The following RBM4 variants were observed in gnomAD, a reference collection of about 807,000 sequenced individuals.
RBM4 encodes the protein RNA-binding protein 4.
A neutral mutation model predicts 29.5 loss-of-function variants in RBM4; 7 were observed. The observed-to-expected ratio is 0.24, with a 90% CI of 0.14 to 0.45. The LOEUF (loss-of-function observed/expected upper bound fraction) is 0.45. Ranked by LOEUF, RBM4 falls within the 20% of genes least tolerant of loss-of-function variation. RBM4 has a pLI of 1.00. For synonymous variants in RBM4, 220 were observed against 205.4 expected, an observed-to-expected ratio of 1.07 and a Z score of -0.61; for missense variants, 387 against 502.3, an observed-to-expected ratio of 0.77 and a Z score of 2.19.
rs1938693779 is a variant in RBM4 at position 66,646,375 on chromosome 11, C to T, written c.*357C>T. On this transcript the variant is annotated 3_prime_UTR_variant, in exon 4 of 4. Transcript: ENST00000310092. ...TTGGGAATGACCTTGGTGAGAGTCT[C>T]ACTGCTCCAGGGTCTCTTTTTGGTC... The T allele has an allele frequency of 1.7e-6, 2 of 1,187,296 alleles. No homozygotes were observed. Among genetic ancestry groups the T allele is most frequent in the African/African-American group, 1.6e-5 (1 of 64,400 alleles). 73.5% of individuals were successfully genotyped at this position (1,187,296 alleles called of 1,614,324 possible). A position where few individuals can be genotyped will look rare whatever the true frequency, so the allele number is the denominator to read the frequency against.
chr11:66,646,421 T>C lies in RBM4; in HGVS notation c.*403T>C. ...TGGTCCAAAGGCTAGACCTATAGAG[T>C]TGGATCACTTTTTTTCTTTCCGGTG... On this transcript the variant is annotated 3_prime_UTR_variant, in exon 4 of 4. Transcript: ENST00000310092. 9.5e-7 allele frequency: 1 copy of C among 1,049,528 alleles called. No individual in the cohort carries two copies. Among genetic ancestry groups the C allele is most frequent in the Non-Finnish European group, 1.1e-6 (1 of 871,428 alleles). 65.0% of individuals were successfully genotyped at this position (1,049,528 alleles called of 1,614,324 possible). A position where few individuals can be genotyped will look rare whatever the true frequency, so the allele number is the denominator to read the frequency against.
At chr11:66,642,939 G>C (rs1042982231) in intron 2 of RBM4, among the ~76,000 whole-genome samples, 1 of 152,216 alleles carries the variant, frequency 6.6e-6, no homozygotes, top group Non-Finnish European at 1.5e-5. Context: ...GCCACATTCA[G>C]CTGTGGATTG....
chr11:66,659,263 C>CTTTTTTTTTTT lies in RBM4; in HGVS notation c.413-6578_413-6568dup, dbSNP rs767959263. On this transcript the variant is annotated intron_variant, in intron 2 of 2. Coordinates refer to the RBM4 transcript ENST00000396053. ...ACCTAGCTGACATTTCTTCTTGGTT[C>CTTTTTTTTTTT]TTTTTTTTTTTTTTTTTTTTTTTTT... 4.8e-4 allele frequency among the ~76,000 whole-genome samples: 32 copies of CTTTTTTTTTTT among 67,310 alleles called. 1 individual carries two copies. Among genetic ancestry groups the CTTTTTTTTTTT allele is most frequent in the South Asian group, 6.5e-4 (1 of 1,540 alleles). 44.2% of individuals were successfully genotyped at this position (67,310 alleles called of 152,430 possible). A position where few individuals can be genotyped will look rare whatever the true frequency, so the allele number is the denominator to read the frequency against.
intron 2 of RBM4, chr11:66,640,539 G>T: frequency 2.9e-6 from 1 of 340,412 alleles, no homozygotes; most frequent in Non-Finnish European, 5.3e-6. Context: ...AACATGTCAA[G>T]CGACACTTAT....
At chr11:66,658,337 C>CTTTTTTTTTTTTTTTTTTTTTTTTTTTTT (rs35133059) in intron 2 of RBM4, among the ~76,000 whole-genome samples, 1 of 50,458 alleles carries the variant, frequency 2.0e-5, no homozygotes, top group Non-Finnish European at 3.4e-5. Context: ...CTAGTCTGAC[C>CTTTTTTTTTTTTTTTTTTTTTTTTTTTTT]TTTTTTTTTT....
intron 3 of RBM4, among the ~76,000 whole-genome samples, chr11:66,644,950 A>C (rs886435359): frequency 2.0e-5 from 3 of 150,330 alleles, no homozygotes; most frequent in African/African-American, 7.4e-5. Context: ...TTAAGTAACT[A>C]TTCCCACAGT....
chr11:66,646,106 G>A lies in RBM4; in HGVS notation c.*88G>A, dbSNP rs1257381807. 3 of 1,535,074 alleles carry A rather than the reference G, an allele frequency of 2.0e-6. No homozygotes were observed. Among genetic ancestry groups the A allele is most frequent in the African/African-American group, 1.4e-5 (1 of 73,012 alleles). Reference sequence around the variant, plus strand: ...CTTCGTGGTACCCCATCTCCGGGACGTTCTCGGCTCTGTGCGTTCAGTCCC... The same window carrying A: ...CTTCGTGGTACCCCATCTCCGGGACATTCTCGGCTCTGTGCGTTCAGTCCC... On this transcript the variant is annotated 3_prime_UTR_variant, in exon 4 of 4. Transcript: ENST00000310092.
At chr11:66,639,100 C>G (rs531207209) in intron 1 of RBM4, 14 of 152,644 alleles carry the variant, frequency 9.2e-5, no homozygotes, top group African/African-American at 3.1e-4. Context: ...ATCTGAAGCT[C>G]TTTTCCGCGG....
intron 2 of RBM4, among the ~76,000 whole-genome samples, chr11:66,651,639 T>A (rs1938834639): frequency 1.3e-5 from 2 of 152,040 alleles, no homozygotes; most frequent in Non-Finnish European, 2.9e-5. Context: ...TGAGCCACCA[T>A]GCCCCGCCAA....
chr11:66,653,508 C>T (rs1282269647), intron 2 of RBM4, among the ~76,000 whole-genome samples: 2 of 152,012 alleles, frequency 1.3e-5, no homozygotes, highest in East Asian at 1.9e-4. Flanking sequence ...ACTATAGGCA[C>T]ATGCCACCAC....
intron 2 of RBM4, among the ~76,000 whole-genome samples, chr11:66,652,690 T>A (rs974598979): frequency 2.6e-5 from 4 of 151,856 alleles, no homozygotes; most frequent in Non-Finnish European, 5.9e-5. Context: ...TTATGGCAGG[T>A]AAATAGCACC....
intron 2 of RBM4, among the ~76,000 whole-genome samples, chr11:66,658,189 C>A (rs1024151589): frequency 6.6e-6 from 1 of 151,586 alleles, no homozygotes. Context: ...CCACCACGCC[C>A]GTCTAATTTT....
rs78971692 is a variant in RBM4 at position 66,664,037 on chromosome 11, G to A, written c.413-1819G>A. On this transcript the variant is annotated intron_variant, in intron 2 of 2. Coordinates refer to the RBM4 transcript ENST00000396053. ...CCTTTTTTGTTGTTTTGGAGACAGG[G>A]CCTCCTGTTGCCCAGAATGGAGTGC... Among the ~76,000 whole-genome samples, 1,343 of 151,910 alleles carry A rather than the reference G, an allele frequency of 8.8e-3. 23 individuals carry two copies. Among genetic ancestry groups the A allele is most frequent in the African/African-American group, 0.03 (1,249 of 41,416 alleles).
At chr11:66,645,978 A>G (rs1276911311) in intron 3 of RBM4, 49 bp from the exon 4 acceptor site, 6 of 1,535,872 alleles carry the variant, frequency 3.9e-6, no homozygotes, top group Admixed American at 3.9e-5. Flanking sequence ...TAAATGGGAA[A>G]GCCCTTTTGA....
intron 2 of RBM4, chr11:66,665,583 AAG>A (rs1450935859): frequency 3.3e-6 from 5 of 1,535,842 alleles, no homozygotes; most frequent in Admixed American, 2.0e-5. Flanking sequence ...TCCTACCTGA[AAG>A]AGAGCACAAC....
rs1448577452 is a variant in RBM4, at chr11:66,643,688, G to T, written c.651G>T (p.Ala217=). Residue 217 remains alanine (A), a synonymous_variant, in exon 3 of 4, where the codon GCG becomes GCT. Transcript: ENST00000310092. This position sits in a 1 kb window ranked among gnomAD's most constrained non-coding sequence, Gnocchi z 6.1. The stretch of plus-strand genomic sequence containing the variant: ...TGTATTACAACAACGCGTACGGAGC[G>T]CTCGATGCCTACTACAAGCGCTGCC... ...DSLYYNNAYG[A]LDAYYKRCRA... 13 of 1,614,030 alleles carry T rather than the reference G, an allele frequency of 8.1e-6. No homozygotes were observed. Among genetic ancestry groups the T allele is most frequent in the Non-Finnish European group, 1.0e-5 (12 of 1,180,030 alleles).
chr11:66,663,702 A>ATGTGTGTGTGTG (rs66797662), intron 2 of RBM4, among the ~76,000 whole-genome samples: 91 of 148,508 alleles, frequency 6.1e-4, no homozygotes, highest in South Asian at 5.4e-3. Context: ...GTGTGTGTAT[A>ATGTGTGTGTGTG]TGTGTGTGTG....
At chr11:66,647,456 G>C (rs1346331379), downstream of RBM4, among the ~76,000 whole-genome samples, 10 of 152,138 alleles carry the variant, frequency 6.6e-5, no homozygotes, top group African/African-American at 2.2e-4. Flanking sequence ...TGAAGCCTGT[G>C]CTGGGTGTTT....
exon 3 of RBM4, chr11:66,665,932 A>T (rs1939215912): frequency 1.3e-6 from 2 of 1,535,332 alleles, no homozygotes; most frequent in African/African-American, 1.4e-5. Flanking sequence ...ACTGCAATTT[A>T]ATTTTGGAGT....
Sources: allele counts gnomAD v4.1 joint callset (sites outside exome capture counted in the v4.1 genomes callset), GRCh38; gene constraint gnomAD v4.1.1; non-coding constraint Gnocchi (gnomAD v3.1); transcripts MANE v1.5; gene names NCBI Gene and HGNC (gene_info 2026-07-23, HGNC 2026-07-21).